Variants in POLA1 observed in about 807,000 individuals in gnomAD.
The protein encoded by POLA1 is DNA polymerase alpha catalytic subunit.
Under a neutral mutation model 124.0 loss-of-function variants are expected in POLA1, and 15 were observed. The observed-to-expected ratio is 0.12, with a 90% CI of 0.08 to 0.19. The LOEUF (loss-of-function observed/expected upper bound fraction) is 0.19, where lower values mean the gene tolerates loss of function less well. Among genes scored for constraint, POLA1 ranks in the 10% least tolerant of loss-of-function variants. The pLI, the probability that POLA1 is intolerant of heterozygous loss-of-function variation, is 1.00. For synonymous variants in POLA1, 408 were observed against 389.4 expected (o/e 1.05, Z -0.56); for missense variants, 886 against 1,103.4 (o/e 0.80, Z 2.79).
chrX:24,945,157 G>A (rs999511475), intron 36 of POLA1, among the ~76,000 whole-genome samples: 3 of 112,805 alleles, frequency 2.7e-5, no homozygotes, highest in Non-Finnish European at 5.6e-5. Context: ...AGGCTAATAT[G>A]TAAAACGTCT....
chrX:24,729,278 A>G (rs926562597), intron 15 of POLA1, among the ~76,000 whole-genome samples: 4 of 111,515 alleles, frequency 3.6e-5, no homozygotes, highest in African/African-American at 1.3e-4. Context: ...TACTTTCTAG[A>G]TGCCAGTAGC....
Position 24,715,169 on chromosome X carries a change from T to C in POLA1, c.491T>C (p.Leu164Pro). The C allele has an allele frequency of 8.4e-7, 1 of 1,184,929 alleles. No individual in the cohort carries two copies. Among genetic ancestry groups the C allele is most frequent in the Non-Finnish European group, 1.1e-6 (1 of 870,953 alleles). Residue 164 changes from leucine to proline, a missense_variant, in exon 6 of 37, where the codon CTG becomes CCG. Physicochemically the swap from Leu to Pro is moderately conservative, Grantham distance 98. Around this residue, in one of 7 missense-constraint regions of POLA1, gnomAD observed 337 missense variants for 402.8 expected, o/e 0.84. Coordinates refer to ENST00000379068, the MANE Select transcript of POLA1 (RefSeq NM_001330360.2). ...DKAVDLSKDG[L>P]LGDILQDLNT... ...GCTGTAGACTTGTCCAAGGATGGTC[T>C]GCTAGGTGACATTCTACAGGATCTT... is the stretch of plus-strand genomic sequence containing the variant.
intron 34 of POLA1, among the ~76,000 whole-genome samples, chrX:24,860,320 C>A (rs1300893213): frequency 8.9e-6 from 1 of 112,643 alleles, no homozygotes; most frequent in East Asian, 2.8e-4. Flanking sequence ...AATGACAGAG[C>A]CTAGTTGGCT....
At chrX:24,914,228 A>C (rs184376389) in intron 35 of POLA1, among the ~76,000 whole-genome samples, 1 of 110,544 alleles carries the variant, frequency 9.0e-6, no homozygotes, top group African/African-American at 3.3e-5. Flanking sequence ...CAGTTTTACT[A>C]TGCAATAATT....
At chrX:24,779,372 C>T (rs1183484880) in intron 26 of POLA1, among the ~76,000 whole-genome samples, 1 of 112,379 alleles carries the variant, frequency 8.9e-6, no homozygotes, top group Admixed American at 9.4e-5. Flanking sequence ...CCACCGCGCC[C>T]GGCCTAGACA....
intron 4 of POLA1, among the ~76,000 whole-genome samples, chrX:24,709,203 C>T (rs1299439001): frequency 2.0e-5 from 2 of 102,024 alleles, no homozygotes; most frequent in African/African-American, 3.7e-5. Context: ...GCTGACCCCC[C>T]CACCTCCCTC....
chrX:24,793,441 C>G (rs1231442373), intron 26 of POLA1, among the ~76,000 whole-genome samples: 2 of 110,718 alleles, frequency 1.8e-5, no homozygotes, highest in Non-Finnish European at 3.8e-5. Flanking sequence ...AAGATCCTGG[C>G]AGGAAAGAGA....
chrX:24,864,728 T>G (rs1213632163), intron 34 of POLA1, among the ~76,000 whole-genome samples: 1 of 108,590 alleles, frequency 9.2e-6, no homozygotes, highest in Non-Finnish European at 1.9e-5. Context: ...TATGGAATGT[T>G]TTTTTTTTTT....
intron 26 of POLA1, among the ~76,000 whole-genome samples, chrX:24,779,268 G>A (rs759284793): frequency 9.0e-6 from 1 of 110,865 alleles, no homozygotes; most frequent in South Asian, 3.8e-4. Context: ...TAGTAGAGAC[G>A]GGGTTTCACC....
chrX:24,913,754 G>A (rs1365122061), intron 35 of POLA1, among the ~76,000 whole-genome samples: 3 of 108,392 alleles, frequency 2.8e-5, no homozygotes, highest in Non-Finnish European at 3.8e-5. Context: ...TAAGCCGGGC[G>A]TGGTGGCTCA....
chrX:24,946,793 A>G (rs927996727), intron 36 of POLA1, among the ~76,000 whole-genome samples: 1 of 112,071 alleles, frequency 8.9e-6, no homozygotes, highest in African/African-American at 3.2e-5. Flanking sequence ...AGCCTAATAA[A>G]TGGTATGTTA....
intron 36 of POLA1, among the ~76,000 whole-genome samples, chrX:24,959,463 CAAAA>C: frequency 1.2e-5 from 1 of 84,915 alleles, no homozygotes; most frequent in Admixed American, 1.3e-4. Context: ...GACTCCATCT[CAAAA>C]AAAAAAAAAA....
chrX:24,937,349 A>G (rs995360759), intron 36 of POLA1, among the ~76,000 whole-genome samples: 1 of 111,843 alleles, frequency 8.9e-6, no homozygotes, highest in Admixed American at 9.5e-5. Context: ...AAAATTAGTA[A>G]GGAACACTAG....
At chrX:24,995,782 A>C in intron 36 of POLA1, 23 bp from the exon 37 acceptor site, 4 of 1,169,436 alleles carry the variant, frequency 3.4e-6, no homozygotes, top group Non-Finnish European at 4.7e-6. Flanking sequence ...TGAGACTTCT[A>C]ATCTCTCTCT....
chrX:24,929,195 C>T (rs2047737621), intron 35 of POLA1, among the ~76,000 whole-genome samples: 1 of 112,156 alleles, frequency 8.9e-6, no homozygotes, highest in Non-Finnish European at 1.9e-5. Context: ...GGATCTAATA[C>T]TTGGTTACTC....
chrX:24,741,378 A>T lies in POLA1; in HGVS notation c.2220A>T (p.Glu740Asp), dbSNP rs1179521519. 1.3e-5 allele frequency: 15 copies of T among 1,190,162 alleles called. No individual in the cohort carries two copies. Among genetic ancestry groups the T allele is most frequent in the Non-Finnish European group, 1.7e-5 (15 of 878,147 alleles). ...TCATTCTTACTTTTCTGTACAGTGA[A>T]TCTTCTCAACTGTTATACCTGTTGG... ...PMENIQNMYS[E>D]SSQLLYLLEH... The change falls in exon 21 of 37, where the codon GAA becomes GAT. Residue 740 changes from glutamate to aspartate, a missense_variant. Transcript: ENST00000379068.
chrX:24,789,435 G>C (rs977633639), intron 26 of POLA1, among the ~76,000 whole-genome samples: 2 of 111,311 alleles, frequency 1.8e-5, no homozygotes, highest in African/African-American at 6.5e-5. Flanking sequence ...AAAATACTTA[G>C]GAGTAAATTA....
chrX:24,836,056 T>G (rs1028639947), intron 32 of POLA1, among the ~76,000 whole-genome samples: 3 of 111,873 alleles, frequency 2.7e-5, no homozygotes, highest in Non-Finnish European at 5.6e-5. Flanking sequence ...TCATGTCTCC[T>G]AGAAATGATC....
intron 26 of POLA1, among the ~76,000 whole-genome samples, chrX:24,781,083 A>C (rs1005091424): frequency 1.8e-5 from 2 of 112,333 alleles, no homozygotes; most frequent in African/African-American, 6.5e-5. Flanking sequence ...GAAGTTTTTA[A>C]ATAACATTCC....
Sources: gnomAD v4.1 joint callset for allele counts (sites outside exome capture counted in the v4.1 genomes callset) on GRCh38, gnomAD v4.1.1 for gene constraint, gnomAD v4.1.1 regional missense constraint, MANE v1.5 for transcripts, NCBI Gene and HGNC (gene_info 2026-07-23, HGNC 2026-07-21) for gene names.